The following PCDHA6 variants were observed in gnomAD, a reference collection of about 807,000 sequenced individuals.
The protein encoded by PCDHA6 is protocadherin alpha-6.
In PCDHA6, 55 loss-of-function variants were observed where a neutral mutation model predicts 60.3. The observed-to-expected ratio is 0.91, with a 90% CI of 0.73 to 1.14. The LOEUF is 1.14. Ranked by LOEUF, PCDHA6 falls within the 50% of genes most tolerant of loss-of-function variation. The probability of loss-of-function intolerance (pLI) is 0.00; values close to 1 mark genes in which losing one functional copy is unlikely to be tolerated. For synonymous variants in PCDHA6, 652 were observed against 557.9 expected, an observed-to-expected ratio of 1.17 and a Z score of -2.38; for missense variants, 1,327 against 1,256.5, an observed-to-expected ratio of 1.06 and a Z score of -0.85.
intron 1 of PCDHA6, among the ~76,000 whole-genome samples, chr5:140,971,892 G>C (rs2096504766): frequency 6.6e-6 from 1 of 151,694 alleles, no homozygotes; most frequent in African/African-American, 2.4e-5. Context: ...AGCTCAGGGA[G>C]GTTAGGTAAT....
At chr5:140,850,206 A>T in intron 1 of PCDHA6, 1 of 1,592,626 alleles carries the variant, frequency 6.3e-7, no homozygotes, top group South Asian at 1.1e-5. Flanking sequence ...ACCTCGGATG[A>T]GGGGCACTGA....
intron 3 of PCDHA6, among the ~76,000 whole-genome samples, chr5:141,000,018 A>G (rs2097889437): frequency 6.6e-6 from 1 of 152,038 alleles, no homozygotes; most frequent in East Asian, 1.9e-4. Flanking sequence ...CCCCATTGCT[A>G]AGCCTGACAT....
intron 3 of PCDHA6, among the ~76,000 whole-genome samples, chr5:141,005,012 G>T (rs782256217): frequency 3.3e-5 from 5 of 152,212 alleles, no homozygotes; most frequent in Non-Finnish European, 4.4e-5. Context: ...CCTGAGAGCT[G>T]CATTATATAT....
chr5:140,834,313 A>C, intron 1 of PCDHA6: 1 of 1,362,812 alleles, frequency 7.3e-7, no homozygotes. Context: ...GATTGAAATG[A>C]AGGGATAAAA....
intron 1 of PCDHA6, chr5:140,884,384 G>C: frequency 6.2e-7 from 1 of 1,613,972 alleles, no homozygotes; most frequent in Non-Finnish European, 8.5e-7. Context: ...TGCCATCTGC[G>C]CGGTGTCCAG....
intron 1 of PCDHA6, among the ~76,000 whole-genome samples, chr5:140,887,198 G>A (rs1276345927): frequency 2.6e-5 from 4 of 151,490 alleles, no homozygotes; most frequent in Admixed American, 2.6e-4. Flanking sequence ...CCGGGTTCAC[G>A]CCATTCTCCT....
Position 140,858,345 on chromosome 5 carries a change from A to G in PCDHA6, c.2394+27860A>G, listed in dbSNP as rs782668038. 4 of 1,594,626 alleles carry G rather than the reference A, an allele frequency of 2.5e-6. 1 individual carries two copies. The African/African-American group carries it at 5.4e-5, about 21-fold the overall frequency. On this transcript the variant is annotated intron_variant, in intron 1 of 3. Coordinates refer to ENST00000529310, the MANE Select transcript of PCDHA6 (RefSeq NM_018909.4). ...TCTGGGGAGGGCCTGCCCAAGGCGGACCTCATGGCCTTCAGCCCCAGCCTT... is the reference window on the plus strand; with the variant it reads ...TCTGGGGAGGGCCTGCCCAAGGCGGGCCTCATGGCCTTCAGCCCCAGCCTT...
chr5:140,872,902 C>G lies in PCDHA6; in HGVS notation c.2394+42417C>G, dbSNP rs78252676. ...TCATTCATCTCACTTTGTAACTGCT[C>G]TATCTTGTAATGCCTTATCTCTAAT... On this transcript the variant is annotated intron_variant, in intron 1 of 3. Coordinates refer to ENST00000529310, the MANE Select transcript of PCDHA6 (RefSeq NM_018909.4). Among the ~76,000 whole-genome samples, 460 of 152,278 alleles carry G rather than the reference C, an allele frequency of 3.0e-3. 1 individual carries two copies. The highest frequency in any genetic ancestry group is 9.4e-3 in the Admixed American group (143 of 15,288).
chr5:140,870,560 A>G, intron 1 of PCDHA6: 1 of 1,614,000 alleles, frequency 6.2e-7, no homozygotes, highest in Middle Eastern at 1.7e-4. Flanking sequence ...GCGCAGGAGA[A>G]CGCGCTGGTG....
chr5:140,926,958 C>G (rs782614627), intron 1 of PCDHA6: 3 of 1,603,116 alleles, frequency 1.9e-6, no homozygotes, highest in Admixed American at 1.7e-5. Context: ...CGGGACAGCT[C>G]GAGTACTCAG....
intron 1 of PCDHA6, chr5:140,876,798 C>T: frequency 6.2e-7 from 1 of 1,614,180 alleles, no homozygotes; most frequent in Non-Finnish European, 8.5e-7. Context: ...CTAGAGTGTC[C>T]GTGGAGGTGG....
chr5:140,834,292 C>T, intron 1 of PCDHA6: 4 of 1,207,488 alleles, frequency 3.3e-6, no homozygotes, highest in Non-Finnish European at 3.5e-6. Flanking sequence ...ACAACAATGG[C>T]CACACATCGA....
intron 1 of PCDHA6, chr5:140,835,784 C>G: frequency 2.5e-6 from 4 of 1,613,220 alleles, no homozygotes; most frequent in Non-Finnish European, 3.4e-6. Flanking sequence ...TGAAGGAGAA[C>G]AACCCGCCGG....
chr5:140,867,042 G>A (rs782113838), intron 1 of PCDHA6: 4 of 152,084 alleles, frequency 2.6e-5, no homozygotes, highest in Non-Finnish European at 4.4e-5. Flanking sequence ...ATGACTTGGC[G>A]TTTGTTCAGT....
At position 140,842,211 on chromosome 5, in the gene PCDHA6, G is replaced by A. The variant is rs141101675; in HGVS notation, c.2394+11726G>A. The A allele has an allele frequency of 5.8e-5, 93 of 1,613,388 alleles. 2 individuals carry two copies. Among genetic ancestry groups the A allele is most frequent in the Non-Finnish European group, 5.4e-5 (64 of 1,179,636 alleles). ...GTTATTGACCACTTTAGCATAGATCGAAATACGGGAGAAATAGTGATTCGG... is the reference window on the plus strand; with the variant it reads ...GTTATTGACCACTTTAGCATAGATCAAAATACGGGAGAAATAGTGATTCGG... On this transcript the variant is annotated intron_variant, in intron 1 of 3. Transcript: ENST00000529310.
chr5:140,839,529 A>G (rs1291835739), intron 1 of PCDHA6, among the ~76,000 whole-genome samples: 5 of 151,980 alleles, frequency 3.3e-5, no homozygotes, highest in Admixed American at 2.6e-4. Flanking sequence ...TGCTGGGACT[A>G]TAGGCACACA....
At position 140,910,081 on chromosome 5, in the gene PCDHA6, A is replaced by G. The variant is rs183187398; in HGVS notation, c.2395-68868A>G. 2.8e-3 allele frequency among the ~76,000 whole-genome samples: 421 copies of G among 152,330 alleles called. 2 individuals are homozygous for G. Among genetic ancestry groups the G allele is most frequent in the Middle Eastern group, 0.014 (4 of 294 alleles). On this transcript the variant is annotated intron_variant, in intron 1 of 3. Coordinates refer to ENST00000529310, the MANE Select transcript of PCDHA6 (RefSeq NM_018909.4). Reference sequence around the variant, plus strand: ...CTTTTAACAGCGTAAATTGTTGTCAAGGGGAACCAGCCTCCCCTTCATTTA... The same window carrying G: ...CTTTTAACAGCGTAAATTGTTGTCAGGGGGAACCAGCCTCCCCTTCATTTA...
intron 1 of PCDHA6, among the ~76,000 whole-genome samples, chr5:140,971,061 G>A (rs2096454888): frequency 6.6e-6 from 1 of 152,154 alleles, no homozygotes; most frequent in Non-Finnish European, 1.5e-5. Context: ...TTTAAATAAG[G>A]TTGCTGTAGA....
At chr5:140,871,443 T>C (rs1192118860) in intron 1 of PCDHA6, 13 of 1,610,650 alleles carry the variant, frequency 8.1e-6, no homozygotes, top group African/African-American at 1.3e-5. Flanking sequence ...TAGGTCTGAA[T>C]AAAGAGGAGG....
Sources: allele counts gnomAD v4.1 joint callset (sites outside exome capture counted in the v4.1 genomes callset), GRCh38; gene constraint gnomAD v4.1.1; transcripts MANE v1.5; gene names NCBI Gene and HGNC (gene_info 2026-07-23, HGNC 2026-07-21).